The following MAGI2 variants were observed in gnomAD, a reference collection of about 807,000 sequenced individuals.
MAGI2 encodes membrane associated guanylate kinase, WW and PDZ domain containing 2.
MAGI2 carries 35 observed loss-of-function variants against 133.3 expected under a neutral mutation model. The observed-to-expected ratio is 0.26, with a 90% confidence interval of 0.20 to 0.35. The LOEUF (loss-of-function observed/expected upper bound fraction) is 0.35. MAGI2 is among the 10% of genes least tolerant of loss of function. MAGI2 has a pLI of 1.00. For synonymous variants in MAGI2, 729 were observed against 710.6 expected (o/e 1.03, Z -0.41); for missense variants, 1,636 against 1,863.4 (o/e 0.88, Z 2.25).
chr7:78,641,760 G>A (rs1810339664), intron 2 of MAGI2, among the ~76,000 whole-genome samples: 1 of 152,108 alleles, frequency 6.6e-6, no homozygotes, highest in Non-Finnish European at 1.5e-5. Context: ...AAAAATGGGG[G>A]AAAATATCTG....
At chr7:78,926,703 A>C (rs1464638936) in intron 2 of MAGI2, among the ~76,000 whole-genome samples, 1 of 152,050 alleles carries the variant, frequency 6.6e-6, no homozygotes, top group Non-Finnish European at 1.5e-5. Flanking sequence ...AAGAAAATAA[A>C]CTAAGAAATG....
intron 3 of MAGI2, among the ~76,000 whole-genome samples, chr7:78,605,195 G>T (rs1357913244): frequency 1.3e-5 from 2 of 152,202 alleles, no homozygotes; most frequent in African/African-American, 4.8e-5. Flanking sequence ...GTGCATTTTA[G>T]ACTAGGTTGA....
At chr7:78,487,800 T>C (rs17369423) in intron 6 of MAGI2, among the ~76,000 whole-genome samples, 18,911 of 152,114 alleles carry the variant, frequency 0.12, 1,426 homozygotes, top group South Asian at 0.32. Flanking sequence ...ATTTTATATG[T>C]ATTCCTGCAT....
chr7:79,286,138 C>T (rs1003118555), intron 1 of MAGI2, among the ~76,000 whole-genome samples: 2 of 151,940 alleles, frequency 1.3e-5, no homozygotes, highest in Non-Finnish European at 2.9e-5. Context: ...AATCTAAGAT[C>T]CCAGGAGAAG....
intron 3 of MAGI2, among the ~76,000 whole-genome samples, chr7:78,535,633 G>A (rs551718917): frequency 5.3e-5 from 8 of 151,954 alleles, no homozygotes; most frequent in Admixed American, 3.9e-4. Context: ...AACTTTGGGA[G>A]GAACTTACAG....
intron 1 of MAGI2, among the ~76,000 whole-genome samples, chr7:79,159,218 G>A (rs917069640): frequency 2.6e-5 from 4 of 152,084 alleles, no homozygotes; most frequent in African/African-American, 9.7e-5. Flanking sequence ...GTCTAAGCAT[G>A]TTGCGAATGG....
chr7:78,355,197 C>G (rs1791942245), intron 7 of MAGI2, among the ~76,000 whole-genome samples: 1 of 152,114 alleles, frequency 6.6e-6, no homozygotes, highest in African/African-American at 2.4e-5. Context: ...TGTTCTTTTC[C>G]ATAATACAGA....
At chr7:79,444,518 A>T (rs1451517044) in intron 1 of MAGI2, among the ~76,000 whole-genome samples, 1 of 152,192 alleles carries the variant, frequency 6.6e-6, no homozygotes, top group Non-Finnish European at 1.5e-5. Flanking sequence ...ATACACCAAT[A>T]ACAGACAAAC....
chr7:78,213,604 C>A lies in MAGI2; in HGVS notation c.2048-12411G>T, dbSNP rs114793233. ...AATCTAACTGGATGTGTAAACAGAC[C>A]ATAACCTGCTCTTGTGCCAGAGTTT... On this transcript the variant is annotated intron_variant, in intron 10 of 21. Transcript: ENST00000354212. Among the ~76,000 whole-genome samples the A allele has an allele frequency of 6.1e-3, 926 of 152,286 alleles. 13 individuals carry two copies. The highest frequency in any genetic ancestry group is 0.021 in the African/African-American group (881 of 41,542).
chr7:79,132,039 A>G (rs1820981689), intron 1 of MAGI2, among the ~76,000 whole-genome samples: 1 of 152,200 alleles, frequency 6.6e-6, no homozygotes, highest in African/African-American at 2.4e-5. Flanking sequence ...TACAAAATAA[A>G]TACAAATAAT....
intron 21 of MAGI2, among the ~76,000 whole-genome samples, chr7:78,032,614 C>G (rs965280478): frequency 3.3e-5 from 5 of 152,134 alleles, no homozygotes; most frequent in Non-Finnish European, 2.9e-5. Flanking sequence ...ATGGACCTTA[C>G]TATCAAACTG....
At chr7:78,120,460 G>A (rs1049146489) in intron 20 of MAGI2, among the ~76,000 whole-genome samples, 12 of 152,126 alleles carry the variant, frequency 7.9e-5, no homozygotes, top group Admixed American at 6.5e-4. Flanking sequence ...AAGGGCAAAA[G>A]CCCAAGAACA....
chr7:79,310,910 T>A (rs2129560626), intron 1 of MAGI2, among the ~76,000 whole-genome samples: 1 of 150,150 alleles, frequency 6.7e-6, no homozygotes, highest in Admixed American at 6.8e-5. Flanking sequence ...CATTAAGAAG[T>A]ATTCCCATAT....
intron 2 of MAGI2, among the ~76,000 whole-genome samples, chr7:78,919,626 G>T (rs2151631416): frequency 6.6e-6 from 1 of 151,982 alleles, no homozygotes; most frequent in East Asian, 1.9e-4. Context: ...GTGAAAAAAT[G>T]GACTTGTAGA....
At chr7:79,328,507 A>G (rs1475390074) in intron 1 of MAGI2, among the ~76,000 whole-genome samples, 1 of 152,212 alleles carries the variant, frequency 6.6e-6, no homozygotes, top group Non-Finnish European at 1.5e-5. Flanking sequence ...CATAGGGATC[A>G]AAAGAAATAT....
chr7:78,319,528 C>T (rs1787777874), intron 9 of MAGI2, among the ~76,000 whole-genome samples: 1 of 152,180 alleles, frequency 6.6e-6, no homozygotes, highest in Admixed American at 6.5e-5. Context: ...TGAATGACTG[C>T]TGGGTACATA....
intron 1 of MAGI2, among the ~76,000 whole-genome samples, chr7:79,261,618 A>T (rs994100952): frequency 6.6e-6 from 1 of 152,092 alleles, no homozygotes; most frequent in African/African-American, 2.4e-5. Context: ...AAGCATGCAA[A>T]CTACATTCAT....
intron 1 of MAGI2, among the ~76,000 whole-genome samples, chr7:79,235,767 G>T (rs138270261): frequency 6.6e-6 from 1 of 152,326 alleles, no homozygotes; most frequent in South Asian, 2.1e-4. Context: ...CGTCGCTCAC[G>T]CTGGGAGCTG....
chr7:79,189,555 C>G lies in MAGI2; in HGVS notation c.302-182349G>C, dbSNP rs80260827. Among the ~76,000 whole-genome samples the G allele has an allele frequency of 9.3e-3, 1,415 of 151,740 alleles. 33 individuals are homozygous for G. The highest frequency in any genetic ancestry group is 0.033 in the African/African-American group (1,354 of 41,320). ...ATTTACCCCTTCTATTCCCCTCCTT[C>G]CCCCAGCTTCCCTATTAACAACTTG... On this transcript the variant is annotated intron_variant, in intron 1 of 21. Coordinates refer to ENST00000354212, the MANE Select transcript of MAGI2 (RefSeq NM_012301.4).
Sources: allele counts gnomAD v4.1 joint callset (sites outside exome capture counted in the v4.1 genomes callset), GRCh38; gene constraint gnomAD v4.1.1; transcripts MANE v1.5; gene names NCBI Gene and HGNC (gene_info 2026-07-23, HGNC 2026-07-21).